Variants in DENND2C observed in about 807,000 individuals in gnomAD.
DENND2C encodes DENN domain-containing protein 2C.
DENND2C carries 72 observed loss-of-function variants against 112.4 expected under a neutral mutation model. The observed-to-expected ratio is 0.64, with a 90% CI of 0.53 to 0.78. The LOEUF is 0.78. Among genes scored for constraint, DENND2C ranks in the 30% least tolerant of loss-of-function variants. The pLI is 0.00. For missense variants in DENND2C, 992 were observed against 1,113.8 expected, an observed-to-expected ratio of 0.89 and a Z score of 1.56; for synonymous variants, 329 against 381.6, an observed-to-expected ratio of 0.86 and a Z score of 1.61.
chr1:114,658,666 T>C (rs1440496657), intron 1 of DENND2C, among the ~76,000 whole-genome samples: 1 of 151,240 alleles, frequency 6.6e-6, no homozygotes, highest in African/African-American at 2.4e-5. Flanking sequence ...CAGCAAAAAA[T>C]AATGAAAGAT....
chr1:114,630,100 G>A (rs1001619094), intron 3 of DENND2C, among the ~76,000 whole-genome samples: 4 of 151,826 alleles, frequency 2.6e-5, no homozygotes, highest in African/African-American at 7.3e-5. Context: ...GGATCATGAG[G>A]TCAAGAGATT....
chr1:114,594,722 A>G, intron 17 of DENND2C, 144 bp from the exon 18 acceptor site: 2 of 605,214 alleles, frequency 3.3e-6, no homozygotes, highest in Non-Finnish European at 2.9e-6. Flanking sequence ...CTCCTTCCCT[A>G]CATGAAGAAT....
At position 114,601,488 on chromosome 1, in the gene DENND2C, A is replaced by G. The variant is rs771409795; in HGVS notation, c.1815+20T>C. The G allele has an allele frequency of 2.5e-6, 4 of 1,604,298 alleles. No homozygotes were observed. The South Asian group carries it at 3.4e-5, about 14-fold the overall frequency. On this transcript the variant is annotated intron_variant, in intron 13 of 20. Coordinates refer to ENST00000393274, the MANE Select transcript of DENND2C (RefSeq NM_001256404.2). ...GCTCAAAAAGGACACCATTTTTCAT[A>G]CAGCTCATTCTCCACTCACCTTTGA...
At chr1:114,591,872 ATTATTATTT>A (rs1225855800) in intron 18 of DENND2C, among the ~76,000 whole-genome samples, 5 of 148,748 alleles carry the variant, frequency 3.4e-5, no homozygotes, top group Admixed American at 1.3e-4. Flanking sequence ...TATTATTATT[ATTATTATTT>A]TTATTATTAT....
chr1:114,586,251 C>CT (rs1655034222), intron 20 of DENND2C, among the ~76,000 whole-genome samples: 1 of 152,150 alleles, frequency 6.6e-6, no homozygotes, highest in African/African-American at 2.4e-5. Flanking sequence ...AAGAAATCCT[C>CT]TTTTGCCTCA....
At chr1:114,606,857 T>C (rs1248006444) in intron 10 of DENND2C, among the ~76,000 whole-genome samples, 3 of 152,164 alleles carry the variant, frequency 2.0e-5, no homozygotes, top group Admixed American at 6.6e-5. Flanking sequence ...GTGTTTCGAC[T>C]AGGGGTTGGG....
intron 3 of DENND2C, among the ~76,000 whole-genome samples, chr1:114,634,366 C>T (rs746242876): frequency 6.6e-5 from 10 of 152,166 alleles, no homozygotes; most frequent in African/African-American, 1.7e-4. Context: ...CAGAGTCTCA[C>T]TCTGTTGCCC....
At chr1:114,602,870 T>A (rs536684958) in intron 11 of DENND2C, among the ~76,000 whole-genome samples, 1 of 152,168 alleles carries the variant, frequency 6.6e-6, no homozygotes, top group South Asian at 2.1e-4. Flanking sequence ...GGCCTTATTT[T>A]CCTTTTGTTG....
At chr1:114,669,917 C>G (rs1409560178) in intron 1 of DENND2C, 66 bp downstream of exon 1, 5 of 152,540 alleles carry the variant, frequency 3.3e-5, no homozygotes, top group Non-Finnish European at 7.3e-5. Flanking sequence ...AGGGTGATGC[C>G]GACAGCCCCG....
chr1:114,657,006 C>A (rs577521006), intron 1 of DENND2C, among the ~76,000 whole-genome samples: 11 of 152,292 alleles, frequency 7.2e-5, no homozygotes, highest in African/African-American at 2.6e-4. Flanking sequence ...CCACCTTGGC[C>A]TCCCAAAGTG....
At chr1:114,648,101 C>T (rs1657049667) in intron 2 of DENND2C, among the ~76,000 whole-genome samples, 1 of 152,216 alleles carries the variant, frequency 6.6e-6, no homozygotes, top group South Asian at 2.1e-4. Flanking sequence ...AGTCACCGCG[C>T]CTGGCCTTCA....
intron 10 of DENND2C, among the ~76,000 whole-genome samples, chr1:114,606,463 C>T (rs1039189434): frequency 2.0e-5 from 3 of 152,102 alleles, no homozygotes; most frequent in African/African-American, 4.8e-5. Flanking sequence ...ATAAACCCAA[C>T]AGTCCTAAAG....
chr1:114,598,497 T>A (rs539171569), intron 16 of DENND2C, among the ~76,000 whole-genome samples: 2 of 151,970 alleles, frequency 1.3e-5, no homozygotes, highest in South Asian at 4.2e-4. Flanking sequence ...ACCATAAAAG[T>A]CAAGATAATG....
At position 114,625,211 on chromosome 1, in the gene DENND2C, T is replaced by C. The variant is rs760077259; in HGVS notation, c.774A>G (p.Lys258=). ...ATCTTCCTCTGATTTTTCCACCATA[T>C]TTCTTTGGTTCAGGTTCCTGAGAAG... ...LASSQEPEPK[K]YGGKIRGRSK... Residue 258 remains lysine, a synonymous_variant, in exon 4 of 21, where the codon AAA becomes AAG. Coordinates refer to ENST00000393274, the MANE Select transcript of DENND2C (RefSeq NM_001256404.2). The C allele has an allele frequency of 2.5e-6, 4 of 1,610,106 alleles. No homozygotes were observed. Among genetic ancestry groups the C allele is most frequent in the Non-Finnish European group, 3.4e-6 (4 of 1,179,168 alleles).
At chr1:114,629,303 G>A (rs1557951293) in intron 3 of DENND2C, among the ~76,000 whole-genome samples, 1 of 152,170 alleles carries the variant, frequency 6.6e-6, no homozygotes, top group African/African-American at 2.4e-5. Context: ...ATGAGATGAA[G>A]TTTTGCTCTT....
In DENND2C at chr1:114,630,982, A is replaced by C. The variant is rs566929065; in HGVS notation, c.-204-4794T>G. Among the ~76,000 whole-genome samples the C allele has an allele frequency of 5.9e-5, 9 of 152,354 alleles. No homozygotes were observed. In the South Asian group the frequency reaches 1.9e-3, roughly 32 times the overall value. Reference sequence around the variant, plus strand: ...GTAAAGACTATCTTAGAGCCACCCTAACAAGGATTAAGTTGATTCTTATGA... The same window carrying C: ...GTAAAGACTATCTTAGAGCCACCCTCACAAGGATTAAGTTGATTCTTATGA... On this transcript the variant is annotated intron_variant, in intron 3 of 20. Coordinates refer to ENST00000393274, the MANE Select transcript of DENND2C (RefSeq NM_001256404.2).
intron 8 of DENND2C, among the ~76,000 whole-genome samples, chr1:114,612,552 C>T (rs1349561840): frequency 6.6e-6 from 1 of 150,392 alleles, no homozygotes; most frequent in East Asian, 2.0e-4. Flanking sequence ...CAGAGTCTCA[C>T]TCTGTCGCCC....
intron 3 of DENND2C, among the ~76,000 whole-genome samples, chr1:114,641,985 C>T (rs1371561798): frequency 1.3e-5 from 2 of 151,960 alleles, no homozygotes; most frequent in African/African-American, 4.8e-5. Flanking sequence ...TGGAGTCTTG[C>T]TCTGTCACCT....
Position 114,594,493 on chromosome 1 carries a change from T to C in DENND2C, c.2411A>G (p.Gln804Arg), listed in dbSNP as rs746385276. 1.9e-6 allele frequency: 3 copies of C among 1,614,056 alleles called. No individual in the cohort carries two copies. The South Asian group carries it at 3.3e-5, about 18-fold the overall frequency. The change falls in exon 18 of 21, where the codon CAG (glutamine) becomes CGG (arginine). Residue 804 changes from glutamine (Q) to arginine (R), a missense_variant. By Grantham distance (43) the Gln-to-Arg change is conservative. Coordinates refer to ENST00000393274, the MANE Select transcript of DENND2C (RefSeq NM_001256404.2). ...CATACCTTGTGAAAAATTCTGCTCC[T>C]GAGTCAAGATTTCATTTCGTTCTTC... ...ILEERNEILT[Q>R]EQNFSQDVTL...
Sources: allele counts gnomAD v4.1 joint callset (sites outside exome capture counted in the v4.1 genomes callset), GRCh38; gene constraint gnomAD v4.1.1; transcripts MANE v1.5; gene names NCBI Gene and HGNC (gene_info 2026-07-23, HGNC 2026-07-21).